The following FBLN7 variants were observed in gnomAD, a reference collection of about 807,000 sequenced individuals.
FBLN7 encodes fibulin 7, also known as fibulin-7.
FBLN7 carries 31 observed loss-of-function variants against 44.0 expected under a neutral mutation model. That is an observed-to-expected ratio of 0.70 (90% CI 0.53 to 0.95). The LOEUF (loss-of-function observed/expected upper bound fraction) is 0.95. Ranked by LOEUF, FBLN7 falls within the 40% of genes least tolerant of loss-of-function variation. The pLI is 0.00. For synonymous variants in FBLN7, 262 were observed against 253.4 expected, an observed-to-expected ratio of 1.03 and a Z score of -0.32; for missense variants, 573 against 618.5, an observed-to-expected ratio of 0.93 and a Z score of 0.78.
At chr2:112,207,941 T>C in the FBLN7 span, among the ~76,000 whole-genome samples, 2 of 152,262 alleles carry the variant, frequency 1.3e-5, no homozygotes, top group Admixed American at 6.5e-5. Context: ...AAATCCGTTC[T>C]GACAATCTTT....
intron 6 of FBLN7, among the ~76,000 whole-genome samples, chr2:112,184,771 C>G (rs749434586): frequency 2.4e-5 from 3 of 122,716 alleles, no homozygotes; most frequent in Non-Finnish European, 5.0e-5. Context: ...ACCATATATA[C>G]GTATATATGG....
At chr2:112,171,645 T>G (rs760283762) in intron 3 of FBLN7, among the ~76,000 whole-genome samples, 6 of 152,248 alleles carry the variant, frequency 3.9e-5, no homozygotes, top group Non-Finnish European at 5.9e-5. Context: ...TTCTAGTCTT[T>G]TATCTAAGCA....
chr2:112,196,800 T>C, the FBLN7 span, among the ~76,000 whole-genome samples: 15 of 152,208 alleles, frequency 9.9e-5, no homozygotes, highest in Admixed American at 2.0e-4. Context: ...ATACCCAAGA[T>C]TGGGTAATTT....
chr2:112,179,697 T>G (rs1394271439), intron 4 of FBLN7, among the ~76,000 whole-genome samples: 1 of 152,142 alleles, frequency 6.6e-6, no homozygotes, highest in Non-Finnish European at 1.5e-5. Context: ...CACACATCTA[T>G]GACCATCTGA....
chr2:112,174,703 T>G (rs188160767), intron 3 of FBLN7, among the ~76,000 whole-genome samples: 74 of 152,238 alleles, frequency 4.9e-4, no homozygotes, highest in African/African-American at 1.4e-3. Flanking sequence ...TTTTTGTTTG[T>G]TTGGTTGGTT....
chr2:112,152,389 A>G (rs1681204614), intron 1 of FBLN7: 1 of 152,240 alleles, frequency 6.6e-6, no homozygotes, highest in South Asian at 2.1e-4. Flanking sequence ...GGAATTGCGC[A>G]TGGAGTGTAA....
At chr2:112,191,423 G>A (rs981103500), downstream of FBLN7, among the ~76,000 whole-genome samples, 7 of 152,242 alleles carry the variant, frequency 4.6e-5, no homozygotes, top group East Asian at 3.9e-4. Context: ...TGGTCTGCCC[G>A]CCTCGGCCTC....
At chr2:112,197,393 G>T in the FBLN7 span, among the ~76,000 whole-genome samples, 3 of 152,084 alleles carry the variant, frequency 2.0e-5, no homozygotes, top group South Asian at 4.2e-4. Flanking sequence ...TGCTGAGATT[G>T]CTGGCAATCA....
At chr2:112,208,070 T>C in the FBLN7 span, among the ~76,000 whole-genome samples, 1 of 152,212 alleles carries the variant, frequency 6.6e-6, no homozygotes, top group African/African-American at 2.4e-5. Flanking sequence ...CAAATGGGCA[T>C]AGTTGTGTTC....
the FBLN7 span, among the ~76,000 whole-genome samples, chr2:112,200,676 A>G: frequency 4.7e-4 from 71 of 152,192 alleles, 1 homozygote; most frequent in African/African-American, 1.6e-3. Flanking sequence ...CTGGGATTAC[A>G]GGTGCACCAC....
At chr2:112,229,186 G>A in the FBLN7 span, among the ~76,000 whole-genome samples, 4 of 152,138 alleles carry the variant, frequency 2.6e-5, no homozygotes, top group African/African-American at 4.8e-5. Flanking sequence ...ACAGGTTAGT[G>A]GGGGAAAGAG....
chr2:112,207,636 G>T, the FBLN7 span, among the ~76,000 whole-genome samples: 2 of 152,066 alleles, frequency 1.3e-5, no homozygotes, highest in Admixed American at 1.3e-4. Flanking sequence ...AAATATAATT[G>T]TAAATTTGTC....
chr2:112,162,870 TC>T (rs2104570912), intron 2 of FBLN7, among the ~76,000 whole-genome samples: 1 of 152,044 alleles, frequency 6.6e-6, no homozygotes, highest in East Asian at 1.9e-4. Flanking sequence ...CCTACTATTT[TC>T]CCCCAATGCA....
the FBLN7 span, among the ~76,000 whole-genome samples, chr2:112,197,256 CACACACACACACACACACAGAGAGAGAG>C: frequency 7.9e-6 from 1 of 125,882 alleles, no homozygotes; most frequent in Non-Finnish European, 1.7e-5. Context: ...CACACACACA[CACACACACACACACACACAGAGAGAGAG>C]AGAGAGAGAG....
chr2:112,160,839 C>T (rs1187560803), intron 2 of FBLN7, among the ~76,000 whole-genome samples: 3 of 114,010 alleles, frequency 2.6e-5, no homozygotes, highest in South Asian at 2.7e-4. Flanking sequence ...CATACACGCA[C>T]GCACACGCGC....
At chr2:112,159,615 A>G (rs1681617532) in intron 1 of FBLN7, 61 bp from the exon 2 acceptor site, 4 of 1,420,670 alleles carry the variant, frequency 2.8e-6, no homozygotes, top group Non-Finnish European at 3.7e-6. Flanking sequence ...GGAAGCTCAG[A>G]CAAGCATGTG....
chr2:112,174,919 T>TAA (rs200351519), intron 3 of FBLN7, among the ~76,000 whole-genome samples: 1 of 151,618 alleles, frequency 6.6e-6, no homozygotes, highest in East Asian at 1.9e-4. Context: ...TTTTTCTAAT[T>TAA]AAAAAAAATG....
At chr2:112,223,920 A>C in the FBLN7 span, among the ~76,000 whole-genome samples, 1 of 152,204 alleles carries the variant, frequency 6.6e-6, no homozygotes, top group Non-Finnish European at 1.5e-5. Flanking sequence ...AGGCAGGTGG[A>C]TCATTTGAGG....
At chr2:112,175,950 G>A in intron 4 of FBLN7, 111 bp downstream of exon 4, 3 of 1,357,778 alleles carry the variant, frequency 2.2e-6, no homozygotes, top group Non-Finnish European at 3.0e-6. Context: ...CCCACTCAAA[G>A]ATGTAGCTTT....
Sources: gnomAD v4.1 joint callset for allele counts (sites outside exome capture counted in the v4.1 genomes callset) on GRCh38, gnomAD v4.1.1 for gene constraint, MANE v1.5 for transcripts, NCBI Gene and HGNC (gene_info 2026-07-23, HGNC 2026-07-21) for gene names.